Variants in CD34 observed in about 807,000 individuals in gnomAD.
CD34 encodes hematopoietic progenitor cell antigen CD34.
A neutral mutation model predicts 40.1 loss-of-function variants in CD34; 34 were observed. The observed-to-expected ratio is 0.85, with a 90% CI of 0.65 to 1.13. The LOEUF is 1.13. Among genes scored for constraint, CD34 ranks in the 50% most tolerant of loss-of-function variants. CD34 has a pLI of 0.00. For missense variants in CD34, 426 were observed against 466.9 expected (o/e 0.91, Z 0.81); for synonymous variants, 209 against 190.0 (o/e 1.10, Z -0.82).
In CD34 at chr1:207,886,348, A is replaced by C. The variant is rs576750754; in HGVS notation, c.*1390T>G. On this transcript the variant is annotated 3_prime_UTR_variant, in exon 8 of 8. Transcript: ENST00000310833. The stretch of plus-strand genomic sequence containing the variant: ...CTGGAAATGGATGTTTCCTCTCCCC[A>C]TGGAGGAGAATAGTTGGCAGACTTG... 1 of 152,184 alleles carries C rather than the reference A, an allele frequency of 6.6e-6. No individual in the cohort carries two copies. Among genetic ancestry groups the C allele is most frequent in the South Asian group, 2.1e-4 (1 of 4,812 alleles). The allele number at this position is 152,184 out of a possible 1,614,324, so 9.4% of individuals were successfully genotyped here.
intron 2 of CD34, 76 bp downstream of exon 2, chr1:207,899,745 G>A: frequency 7.5e-7 from 1 of 1,331,176 alleles, no homozygotes; most frequent in South Asian, 1.4e-5. Context: ...GAGGGGAGCG[G>A]TCTGAAAACA....
At position 207,884,245 on chromosome 1, in the gene CD34, AG is replaced by A. The variant is rs1175529207; in HGVS notation, c.*3492del. 6.6e-5 allele frequency: 10 copies of A among 152,260 alleles called. No homozygotes were observed. In the East Asian group the frequency reaches 1.9e-3, roughly 29 times the overall value. 9.4% of individuals were successfully genotyped at this position (152,260 alleles called of 1,614,324 possible). ...TGCTCTCCACTGTTATTTTTCTAAA[AG>A]TAACCACCATATGTAAAATACCAAC... is the stretch of plus-strand genomic sequence containing the variant. On this transcript the variant is annotated 3_prime_UTR_variant, in exon 8 of 8. Coordinates refer to ENST00000310833, the MANE Select transcript of CD34 (RefSeq NM_001025109.2).
chr1:207,903,584 G>A (rs992501204), intron 1 of CD34, among the ~76,000 whole-genome samples: 2 of 152,184 alleles, frequency 1.3e-5, no homozygotes, highest in Admixed American at 1.3e-4. Context: ...TGGGAGCAAG[G>A]GAGGAGACAA....
In CD34 at chr1:207,891,280, T is replaced by C. The variant is rs377371583; in HGVS notation, c.598-1659A>G. Among the ~76,000 whole-genome samples the C allele has an allele frequency of 5.3e-5, 8 of 152,278 alleles. No individual in the cohort carries two copies. In the East Asian group the frequency reaches 1.5e-3, roughly 29 times the overall value. ...CGTGAAAGCCTCTGTGCAAGTGTCA[T>C]GTGTATGTGTGTTGTATTCATGTGT... is the stretch of plus-strand genomic sequence containing the variant. On this transcript the variant is annotated intron_variant, in intron 4 of 7. Transcript: ENST00000310833.
chr1:207,888,492 C>A (rs1402885901), intron 7 of CD34, among the ~76,000 whole-genome samples, 190 bp downstream of exon 7: 1 of 152,224 alleles, frequency 6.6e-6, no homozygotes, highest in Non-Finnish European at 1.5e-5. Context: ...CCATTACTGT[C>A]CCCTCCCCAG....
chr1:207,897,547 T>C lies in CD34; in HGVS notation c.543A>G (p.Arg181=). 6.4e-7 allele frequency: 1 copy of C among 1,557,556 alleles called. No individual in the cohort carries two copies. ...AGATGCCCTGAGTCAATTTCACTTC[T>C]CTGATGCCTGAACATTTGATTTCTG... ...IKAEIKCSGI[R]EVKLTQGICL... The change falls in exon 4 of 8, where the codon AGA becomes AGG. Residue 181 remains arginine, a synonymous_variant. Transcript: ENST00000310833.
Position 207,889,192 on chromosome 1 carries a change from A to C in CD34, c.776T>G (p.Leu259Arg). The stretch of plus-strand genomic sequence containing the variant: ...CAGGTCAGATTGGTGCTTTTTCATA[A>C]GTTGGAGTTTGCTGGAAATTTCTAG... ...NRTEISSKLQ[L>R]MKKHQSDLKK... The change falls in exon 6 of 8, where the codon CTT becomes CGT. Residue 259 changes from leucine (L) to arginine (R), a missense_variant. Transcript: ENST00000310833. The C allele has an allele frequency of 6.2e-7, 1 of 1,611,144 alleles. No homozygotes were observed. Among genetic ancestry groups the C allele is most frequent in the Non-Finnish European group, 8.5e-7 (1 of 1,177,286 alleles).
In CD34 at chr1:207,882,510, T is replaced by C. The variant is rs1185636716; in HGVS notation, c.*5228A>G. ...TGATTGAGAAAAAACCATTAACAGATGCCAACATTGAGATGATAAAGATGT... is the reference window on the plus strand; with the variant it reads ...TGATTGAGAAAAAACCATTAACAGACGCCAACATTGAGATGATAAAGATGT... On this transcript the variant is annotated 3_prime_UTR_variant, in exon 8 of 8. Coordinates refer to ENST00000310833, the MANE Select transcript of CD34 (RefSeq NM_001025109.2). 2 of 152,188 alleles carry C rather than the reference T, an allele frequency of 1.3e-5. No individual in the cohort carries two copies. The highest frequency in any genetic ancestry group is 4.8e-5 in the African/African-American group (2 of 41,422). 9.4% of individuals were successfully genotyped at this position (152,188 alleles called of 1,614,324 possible). A position where few individuals can be genotyped will look rare whatever the true frequency, so the allele number is the denominator to read the frequency against.
intron 4 of CD34, among the ~76,000 whole-genome samples, chr1:207,891,657 C>CA (rs1400340234): frequency 2.0e-5 from 3 of 151,456 alleles, no homozygotes; most frequent in Non-Finnish European, 4.4e-5. Flanking sequence ...GACCCTGGCT[C>CA]AAAAATAAAG....
intron 1 of CD34, among the ~76,000 whole-genome samples, chr1:207,907,637 G>A (rs921904392): frequency 3.9e-5 from 6 of 152,142 alleles, no homozygotes; most frequent in Non-Finnish European, 1.5e-5. Flanking sequence ...TCATTCCGAC[G>A]GACTCCAAGA....
Position 207,888,444 on chromosome 1 carries a change from C to T in CD34, c.972+238G>A, listed in dbSNP as rs78056063. Among the ~76,000 whole-genome samples the T allele has an allele frequency of 4.0e-3, 612 of 152,304 alleles. 2 individuals are homozygous for T. The highest frequency in any genetic ancestry group is 0.014 in the African/African-American group (578 of 41,564). On this transcript the variant is annotated intron_variant, in intron 7 of 7. Coordinates refer to ENST00000310833, the MANE Select transcript of CD34 (RefSeq NM_001025109.2). ...CAGAAAACATAATGAATAGATGACA[C>T]GAATCATCTGCTACCACACCGAGTA...
At chr1:207,890,184 A>G in intron 4 of CD34, 2 of 1,018,784 alleles carry the variant, frequency 2.0e-6, no homozygotes, top group Non-Finnish European at 2.3e-6. Flanking sequence ...TTTTCCATTA[A>G]AAGCATGGAA....
At chr1:207,901,862 G>A (rs1242648450) in intron 1 of CD34, among the ~76,000 whole-genome samples, 1 of 152,138 alleles carries the variant, frequency 6.6e-6, no homozygotes, top group Non-Finnish European at 1.5e-5. Flanking sequence ...GCCTCTGAGG[G>A]TCCCAGGCCA....
chr1:207,893,073 G>A (rs553750857), intron 4 of CD34, among the ~76,000 whole-genome samples: 1 of 152,310 alleles, frequency 6.6e-6, no homozygotes, highest in East Asian at 1.9e-4. Flanking sequence ...CCTCCCCCAA[G>A]AGAGGCTGTG....
chr1:207,896,272 T>C (rs888194401), intron 4 of CD34, among the ~76,000 whole-genome samples: 6 of 152,204 alleles, frequency 3.9e-5, no homozygotes, highest in African/African-American at 1.2e-4. Flanking sequence ...TCCAGAGCCA[T>C]GTTACTGTTA....
chr1:207,888,263 C>A, intron 7 of CD34: 1 of 807,716 alleles, frequency 1.2e-6, no homozygotes, highest in Non-Finnish European at 2.1e-6. Flanking sequence ...ATTCAGACCT[C>A]AGCCTTGTCC....
chr1:207,887,728 C>T lies in CD34; in HGVS notation c.*10G>A. On this transcript the variant is annotated 3_prime_UTR_variant, in exon 8 of 8. Coordinates refer to ENST00000310833, the MANE Select transcript of CD34 (RefSeq NM_001025109.2). ...TCGGACACTGCCCAGCCTTGCCCCA[C>T]CTAGCCGAGTCACAATTCGGTATCA... 1 of 1,614,074 alleles carries T rather than the reference C, an allele frequency of 6.2e-7. No individual in the cohort carries two copies.
chr1:207,887,761 C>G lies in CD34; in HGVS notation c.1135G>C (p.Val379Leu), dbSNP rs113941793. Residue 379 changes from valine to leucine, a missense_variant, in exon 8 of 8, where the codon GTG (valine) becomes CTG (leucine). Physicochemically the swap from Val to Leu is conservative, Grantham distance 32. Transcript: ENST00000310833. Reference protein sequence around the residue: ...SRNGHSARQHVVADTEL With the variant: ...SRNGHSARQHLVADTEL ...AGTCACAATTCGGTATCAGCCACCACGTGTTGTCTTGCTGAATGGCCGTTT... is the reference window on the plus strand; with the variant it reads ...AGTCACAATTCGGTATCAGCCACCAGGTGTTGTCTTGCTGAATGGCCGTTT... The G allele has an allele frequency of 2.8e-5, 45 of 1,614,040 alleles. No individual in the cohort carries two copies. The highest frequency in any genetic ancestry group is 5.5e-5 in the South Asian group (5 of 91,084).
In CD34 at chr1:207,883,004, C is replaced by A. The variant is rs968248585; in HGVS notation, c.*4734G>T. 1 of 152,162 alleles carries A rather than the reference C, an allele frequency of 6.6e-6. No individual in the cohort carries two copies. 9.4% of individuals were successfully genotyped at this position (152,162 alleles called of 1,614,324 possible). A position where few individuals can be genotyped will look rare whatever the true frequency, so the allele number is the denominator to read the frequency against. ...TTATCCCAGGTGCCTGGCATAGTAC[C>A]TGGCTTATAATAAGCACTCAAATAT... is the stretch of plus-strand genomic sequence containing the variant. On this transcript the variant is annotated 3_prime_UTR_variant, in exon 8 of 8. Transcript: ENST00000310833.
Sources: allele counts gnomAD v4.1 joint callset (sites outside exome capture counted in the v4.1 genomes callset), GRCh38; gene constraint gnomAD v4.1.1; transcripts MANE v1.5; gene names NCBI Gene and HGNC (gene_info 2026-07-23, HGNC 2026-07-21).